Variants in PAFAH2 observed in about 807,000 individuals in gnomAD.
PAFAH2 encodes the protein platelet-activating factor acetylhydrolase 2, cytoplasmic.
In PAFAH2, 42 loss-of-function variants were observed where a neutral mutation model predicts 49.0. The observed-to-expected ratio is 0.86, with a 90% CI of 0.67 to 1.11. The LOEUF is 1.11. PAFAH2 is among the 50% of genes least tolerant of loss of function. PAFAH2 has a pLI of 0.00. For synonymous variants in PAFAH2, 184 were observed against 181.3 expected (o/e 1.01, Z -0.12); for missense variants, 503 against 501.8 (o/e 1.00, Z -0.02).
intron 1 of PAFAH2, among the ~76,000 whole-genome samples, chr1:25,996,202 A>T (rs1454150697): frequency 7.6e-5 from 11 of 144,204 alleles, no homozygotes; most frequent in Middle Eastern, 3.6e-3. Flanking sequence ...TAAAAAAATT[A>T]AAAAAAAAAA....
chr1:25,962,854 G>C (rs2049359741), intron 10 of PAFAH2, among the ~76,000 whole-genome samples: 1 of 151,108 alleles, frequency 6.6e-6, no homozygotes, highest in Non-Finnish European at 1.5e-5. Context: ...AAAATGAAAA[G>C]TCTAGTTCCA....
At chr1:25,973,145 A>G (rs2049535854) in intron 9 of PAFAH2, among the ~76,000 whole-genome samples, 1 of 152,232 alleles carries the variant, frequency 6.6e-6, no homozygotes, top group African/African-American at 2.4e-5. Context: ...ATTCTTCAGA[A>G]CTGTACCACA....
intron 1 of PAFAH2, among the ~76,000 whole-genome samples, chr1:25,996,149 A>T (rs1294311583): frequency 6.6e-6 from 1 of 152,098 alleles, no homozygotes; most frequent in Non-Finnish European, 1.5e-5. Flanking sequence ...TCAGCCCAGG[A>T]GTTCAAGACC....
chr1:25,990,983 G>T (rs80243732), intron 1 of PAFAH2, 120 bp from the exon 2 acceptor site: 8 of 580,046 alleles, frequency 1.4e-5, no homozygotes, highest in Admixed American at 3.0e-5. Flanking sequence ...CCCTGCCGTC[G>T]CTCATTAAAT....
chr1:25,980,151 A>G (rs893234289), intron 7 of PAFAH2, among the ~76,000 whole-genome samples: 3 of 152,236 alleles, frequency 2.0e-5, no homozygotes, highest in African/African-American at 7.2e-5. Flanking sequence ...TGTAGAATCA[A>G]AAAGCCCCAA....
At chr1:25,974,214 C>T (rs1279755372) in intron 9 of PAFAH2, among the ~76,000 whole-genome samples, 1 of 152,166 alleles carries the variant, frequency 6.6e-6, no homozygotes, top group African/African-American at 2.4e-5. Context: ...TTTCCAACAC[C>T]CAACCCCATA....
chr1:25,989,541 G>C lies in PAFAH2; in HGVS notation c.151C>G (p.Leu51Val). 2 of 1,612,774 alleles carry C rather than the reference G, an allele frequency of 1.2e-6. No individual in the cohort carries two copies. The highest frequency in any genetic ancestry group is 1.7e-6 in the Non-Finnish European group (2 of 1,179,376). ...QKAEETMEQP[L>V]WIPRYEYCTG... ...CAGTACTCATAGCGGGGAATCCACA[G>C]GGGCTGCTCCATGGTCTCCTCTGCC... is the stretch of plus-strand genomic sequence containing the variant. The change falls in exon 3 of 11, where the codon CTG becomes GTG. Residue 51 changes from leucine (L) to valine (V), a missense_variant. Coordinates refer to ENST00000374282, the MANE Select transcript of PAFAH2 (RefSeq NM_000437.4).
chr1:25,989,617 G>A lies in PAFAH2; in HGVS notation c.91-16C>T. 1 of 1,525,268 alleles carries A rather than the reference G, an allele frequency of 6.6e-7. No homozygotes were observed. Among genetic ancestry groups the A allele is most frequent in the African/African-American group, 1.4e-5 (1 of 71,928 alleles). 94.5% of individuals were successfully genotyped at this position (1,525,268 alleles called of 1,614,324 possible). On this transcript the variant is annotated splice_polypyrimidine_tract_variant and intron_variant, in intron 2 of 10. Coordinates refer to ENST00000374282, the MANE Select transcript of PAFAH2 (RefSeq NM_000437.4). ...AGAAGCTCCCCTGTAGGAAAGAAGA[G>A]AGCAGCTGCTCAGAGCAAGGAGCCC... is the stretch of plus-strand genomic sequence containing the variant.
Position 25,982,462 on chromosome 1 carries a change from T to C in PAFAH2, c.568A>G (p.Ser190Gly). 1 of 1,613,792 alleles carries C rather than the reference T, an allele frequency of 6.2e-7. No individual in the cohort carries two copies. The highest frequency in any genetic ancestry group is 8.5e-7 in the Non-Finnish European group (1 of 1,179,744). The change falls in exon 7 of 11, where the codon AGC (serine) becomes GGC (glycine). Residue 190 changes from serine (S) to glycine (G), a missense_variant. Physicochemically the swap from Ser to Gly is moderately conservative, Grantham distance 56. Coordinates refer to ENST00000374282, the MANE Select transcript of PAFAH2 (RefSeq NM_000437.4). The stretch of plus-strand genomic sequence containing the variant: ...ATCTTCAACACCCGTAAACACTCGC[T>C]TACCCGCTGATGCACCTGCAACAGA... ...VRNPQVHQRV[S>G]ECLRVLKILQ...
At chr1:25,974,131 C>G (rs764219185) in intron 9 of PAFAH2, among the ~76,000 whole-genome samples, 4 of 152,194 alleles carry the variant, frequency 2.6e-5, no homozygotes, top group Non-Finnish European at 5.9e-5. Flanking sequence ...TATTCACACT[C>G]TTCCAAAGAC....
At chr1:25,996,370 G>A (rs1464996854) in intron 1 of PAFAH2, among the ~76,000 whole-genome samples, 1 of 151,634 alleles carries the variant, frequency 6.6e-6, no homozygotes, top group Non-Finnish European at 1.5e-5. Context: ...GTCTCAAAAA[G>A]AAATAGTAAC....
intron 2 of PAFAH2, 137 bp downstream of exon 2, chr1:25,990,590 G>A: frequency 1.5e-6 from 1 of 645,170 alleles, no homozygotes; most frequent in Non-Finnish European, 2.8e-6. Context: ...GACAGACCTG[G>A]GGGCTTGATA....
intron 10 of PAFAH2, among the ~76,000 whole-genome samples, chr1:25,971,967 A>G (rs551572067): frequency 2.5e-4 from 38 of 152,298 alleles, no homozygotes; most frequent in African/African-American, 8.9e-4. Context: ...TGGAGTAGAG[A>G]GAGGTGAATA....
rs1347430486 is a variant in PAFAH2 at position 25,976,723 on chromosome 1, C to T, written c.717G>A (p.Gly239=). Residue 239 remains glycine (G), a synonymous_variant, in exon 8 of 11, where the codon GGG becomes GGA. Coordinates refer to ENST00000374282, the MANE Select transcript of PAFAH2 (RefSeq NM_000437.4). ...TGGCCAAAGCCAGAATAGCTGTGGC[C>T]CCTCCAAATGAATGTCCCATCACAG... ...RVAVMGHSFG[G]ATAILALAKE... is the part of the protein sequence containing the mutation. The T allele has an allele frequency of 6.2e-7, 1 of 1,614,072 alleles. No individual in the cohort carries two copies. The highest frequency in any genetic ancestry group is 8.5e-7 in the Non-Finnish European group (1 of 1,180,048).
intron 8 of PAFAH2, among the ~76,000 whole-genome samples, chr1:25,976,160 T>C (rs1300260334): frequency 6.6e-6 from 1 of 152,206 alleles, no homozygotes; most frequent in Non-Finnish European, 1.5e-5. Context: ...TCTGTTTTTT[T>C]TGAGACAGGA....
At chr1:25,969,406 ACT>A (rs1195427609) in intron 10 of PAFAH2, among the ~76,000 whole-genome samples, 1 of 152,028 alleles carries the variant, frequency 6.6e-6, no homozygotes, top group Admixed American at 6.6e-5. Context: ...GGAACTTATC[ACT>A]CTGAATTGTC....
rs1414422203 is a variant in PAFAH2, at chr1:25,976,694, T to A, written c.746A>T (p.Glu249Val). The A allele has an allele frequency of 1.2e-6, 2 of 1,613,928 alleles. No homozygotes were observed. Among genetic ancestry groups the A allele is most frequent in the African/African-American group, 2.7e-5 (2 of 74,942 alleles). ...CTAGGAAACTCACCGAAATTGGGTC[T>A]CCTTGGCCAAAGCCAGAATAGCTGT... ...GATAILALAK[E>V]TQFRCAVALD... The change falls in exon 8 of 11, where the codon GAG (glutamate) becomes GTG (valine). Residue 249 changes from glutamate to valine, a missense_variant. Physicochemically the swap from Glu to Val is moderately radical, Grantham distance 121 (BLOSUM62 -2). Coordinates refer to ENST00000374282, the MANE Select transcript of PAFAH2 (RefSeq NM_000437.4).
Position 25,982,491 on chromosome 1 carries a change from A to G in PAFAH2, c.553-14T>C. 1 of 1,590,904 alleles carries G rather than the reference A, an allele frequency of 6.3e-7. No individual in the cohort carries two copies. ...CCGCTGATGCACCTGCAACAGAGAC[A>G]GTCCCAGTGGGACTGGAACACTCCA... On this transcript the variant is annotated splice_polypyrimidine_tract_variant and intron_variant, in intron 6 of 10. Transcript: ENST00000374282.
At position 25,982,606 on chromosome 1, in the gene PAFAH2, G is replaced by C. The variant is rs190817803; in HGVS notation, c.553-129C>G. On this transcript the variant is annotated intron_variant, in intron 6 of 10. Coordinates refer to ENST00000374282, the MANE Select transcript of PAFAH2 (RefSeq NM_000437.4). ...ACCCACGCCTCAGCAAGCACCTTGGGTGCCATGTCCTGAGAAGGCTCAGCT... is the reference window on the plus strand; with the variant it reads ...ACCCACGCCTCAGCAAGCACCTTGGCTGCCATGTCCTGAGAAGGCTCAGCT... 1.6e-4 allele frequency: 107 copies of C among 672,180 alleles called. 1 individual carries two copies. Among genetic ancestry groups the C allele is most frequent in the African/African-American group, 1.2e-3 (69 of 56,458 alleles). The allele number at this position is 672,180 out of a possible 1,614,324, so 41.6% of individuals were successfully genotyped here.
Sources: gnomAD v4.1 joint callset for allele counts (sites outside exome capture counted in the v4.1 genomes callset) on GRCh38, gnomAD v4.1.1 for gene constraint, MANE v1.5 for transcripts, NCBI Gene and HGNC (gene_info 2026-07-23, HGNC 2026-07-21) for gene names.